Variants in CDKL1 observed in about 807,000 individuals in gnomAD.
CDKL1 encodes cyclin-dependent kinase-like 1.
CDKL1 carries 41 observed loss-of-function variants against 42.0 expected under a neutral mutation model. The ratio of observed to expected loss-of-function variants is 0.98; its 90% CI spans 0.76 to 1.27. The LOEUF is 1.27. Among genes scored for constraint, CDKL1 ranks in the 50% most tolerant of loss-of-function variants. The pLI is 0.00. For synonymous variants in CDKL1, 153 were observed against 158.6 expected (o/e 0.96, Z 0.26); for missense variants, 394 against 428.4 (o/e 0.92, Z 0.71).
Position 50,330,045 on chromosome 14 carries a change from C to CT in CDKL1, c.*28dup, listed in dbSNP as rs1228287153. 4.4e-6 allele frequency: 7 copies of CT among 1,598,488 alleles called. No individual in the cohort carries two copies. Among genetic ancestry groups the CT allele is most frequent in the Non-Finnish European group, 6.0e-6 (7 of 1,176,244 alleles). On this transcript the variant is annotated 3_prime_UTR_variant, in exon 10 of 10. Transcript: ENST00000395834. ...TTTTCTTCAAAGCATCTATTGATTC[C>CT]TTTTTTAAAATCATGTCTCCTAGCT...
intron 3 of CDKL1, among the ~76,000 whole-genome samples, chr14:50,347,486 T>C (rs2033767119): frequency 6.6e-6 from 1 of 152,180 alleles, no homozygotes; most frequent in Non-Finnish European, 1.5e-5. Flanking sequence ...ATTTGGGCTA[T>C]ATTTTTAAAA....
chr14:50,396,935 T>C (rs1242298238), upstream of CDKL1: 1 of 362,272 alleles, frequency 2.8e-6, no homozygotes, highest in Non-Finnish European at 4.4e-6. Context: ...CCGCCCCGGG[T>C]CTGCCTGGGC....
chr14:50,389,097 C>CAAA (rs57448948), intron 2 of CDKL1, among the ~76,000 whole-genome samples: 3 of 90,480 alleles, frequency 3.3e-5, no homozygotes, highest in Non-Finnish European at 6.4e-5. Context: ...AGACTGTCTT[C>CAAA]AAAAAAAAAA....
At chr14:50,362,016 T>C (rs2034265948) in intron 2 of CDKL1, among the ~76,000 whole-genome samples, 1 of 152,150 alleles carries the variant, frequency 6.6e-6, no homozygotes, top group African/African-American at 2.4e-5. Context: ...GGCCCGGCAC[T>C]CTAGCGGCCC....
intron 2 of CDKL1, among the ~76,000 whole-genome samples, chr14:50,389,122 AAGAG>A (rs1566612478): frequency 7.1e-6 from 1 of 140,080 alleles, no homozygotes; most frequent in African/African-American, 2.8e-5. Flanking sequence ...AAAAAAAAAA[AAGAG>A]AGAGAAAAGA....
chr14:50,350,849 A>G (rs1207610452), intron 3 of CDKL1, among the ~76,000 whole-genome samples: 2 of 152,158 alleles, frequency 1.3e-5, no homozygotes, highest in Admixed American at 6.5e-5. Flanking sequence ...TGAGAGCTCC[A>G]GTTGTTCCTC....
chr14:50,392,004 A>G (rs1168981261), intron 2 of CDKL1, among the ~76,000 whole-genome samples: 2 of 152,164 alleles, frequency 1.3e-5, no homozygotes, highest in African/African-American at 4.8e-5. Context: ...TTGCTGATGA[A>G]GGTTTCATTC....
chr14:50,379,380 AG>A (rs1357233383), intron 2 of CDKL1, among the ~76,000 whole-genome samples: 1 of 152,182 alleles, frequency 6.6e-6, no homozygotes, highest in African/African-American at 2.4e-5. Flanking sequence ...AGTAAGGAGC[AG>A]AAAGGAGCCC....
chr14:50,367,920 T>C (rs2034477386), intron 2 of CDKL1, among the ~76,000 whole-genome samples: 1 of 152,212 alleles, frequency 6.6e-6, no homozygotes, highest in Non-Finnish European at 1.5e-5. Flanking sequence ...TAGTCTTCCT[T>C]TTATTTTCTC....
At chr14:50,379,062 G>A (rs1322124357) in intron 2 of CDKL1, among the ~76,000 whole-genome samples, 1 of 152,108 alleles carries the variant, frequency 6.6e-6, no homozygotes, top group East Asian at 1.9e-4. Context: ...ATGTTGGCCA[G>A]TTTGGTAACA....
intron 8 of CDKL1, chr14:50,333,426 T>A (rs1360539323): frequency 6.6e-6 from 1 of 152,182 alleles, no homozygotes; most frequent in Non-Finnish European, 1.5e-5. Context: ...CATGACAGTC[T>A]ACAAATACCC....
At chr14:50,372,566 A>G (rs2034620719) in intron 2 of CDKL1, among the ~76,000 whole-genome samples, 1 of 152,060 alleles carries the variant, frequency 6.6e-6, no homozygotes. Context: ...CAAATTGTCC[A>G]TTTTTGCTTT....
At chr14:50,366,671 G>A (rs1428655719) in intron 2 of CDKL1, among the ~76,000 whole-genome samples, 1 of 152,232 alleles carries the variant, frequency 6.6e-6, no homozygotes, top group Non-Finnish European at 1.5e-5. Flanking sequence ...CAGAGCAGAG[G>A]CAGGGTAGTC....
chr14:50,343,321 TCTGGAGAGGACTTGG>T (rs1311115237), intron 4 of CDKL1, among the ~76,000 whole-genome samples: 1 of 152,134 alleles, frequency 6.6e-6, no homozygotes, highest in Non-Finnish European at 1.5e-5. Context: ...TTCTTAAGAA[TCTGGAGAGGACTTGG>T]GTTCTTCTTG....
At chr14:50,358,926 C>T (rs2034151162) in intron 3 of CDKL1, 102 bp downstream of exon 3, 1 of 1,154,478 alleles carries the variant, frequency 8.7e-7, no homozygotes, top group Admixed American at 1.9e-5. Flanking sequence ...TGGCATGAGC[C>T]ACTGCACCCG....
chr14:50,340,915 C>G (rs1052318030), intron 6 of CDKL1, 117 bp downstream of exon 6: 1 of 1,078,078 alleles, frequency 9.3e-7, no homozygotes, highest in African/African-American at 1.6e-5. Context: ...TCGAGTTTTC[C>G]TCTTTCCTAA....
At chr14:50,382,834 T>A (rs1566607778) in intron 2 of CDKL1, among the ~76,000 whole-genome samples, 2 of 152,138 alleles carry the variant, frequency 1.3e-5, no homozygotes, top group Non-Finnish European at 2.9e-5. Context: ...CTCAAGCGAT[T>A]TGCCTGCTTT....
At chr14:50,382,313 C>T (rs1394876105) in intron 2 of CDKL1, among the ~76,000 whole-genome samples, 1 of 152,026 alleles carries the variant, frequency 6.6e-6, no homozygotes, top group Admixed American at 6.6e-5. Flanking sequence ...ATTAGCCAGG[C>T]GTGGTAGCGG....
intron 2 of CDKL1, chr14:50,377,529 G>T: frequency 7.8e-7 from 1 of 1,283,616 alleles, no homozygotes; most frequent in Non-Finnish European, 1.0e-6. Flanking sequence ...CACAGTCTAA[G>T]ACCATTGGTA....
Sources: allele counts gnomAD v4.1 joint callset (sites outside exome capture counted in the v4.1 genomes callset), GRCh38; gene constraint gnomAD v4.1.1; transcripts MANE v1.5; gene names NCBI Gene and HGNC (gene_info 2026-07-23, HGNC 2026-07-21).